MSRA: variants seen among roughly 807,000 people sequenced by gnomAD.
The protein encoded by MSRA is methionine sulfoxide reductase A, also known as mitochondrial peptide methionine sulfoxide reductase.
MSRA carries 54 observed loss-of-function variants against 31.3 expected under a neutral mutation model. The observed-to-expected ratio is 1.73, with a 90% CI of 1.39 to 2.17. The LOEUF is 2.17. Ranked by LOEUF, MSRA falls within the 30% of genes most tolerant of loss-of-function variation. MSRA has a pLI of 0.00. For synonymous variants in MSRA, 169 were observed against 116.5 expected (o/e 1.45, Z -2.90); for missense variants, 507 against 300.9 (o/e 1.69, Z -5.07).
chr8:10,283,160 A>ACACACACACACTCTCTCTCTCT, intron 3 of MSRA, among the ~76,000 whole-genome samples: 2 of 140,234 alleles, frequency 1.4e-5, no homozygotes, highest in African/African-American at 5.4e-5. Flanking sequence ...ACACACACAC[A>ACACACACACACTCTCTCTCTCT]CTCTCACCCT....
chr8:10,060,767 T>C (rs1197311148), intron 1 of MSRA, among the ~76,000 whole-genome samples: 2 of 152,180 alleles, frequency 1.3e-5, no homozygotes, highest in Non-Finnish European at 2.9e-5. Flanking sequence ...TCGGAATAAG[T>C]TAATCCAAGT....
chr8:10,286,204 C>G (rs1345755002), intron 3 of MSRA, among the ~76,000 whole-genome samples: 2 of 152,146 alleles, frequency 1.3e-5, no homozygotes, highest in Admixed American at 6.6e-5. Context: ...CTGTGTGTGT[C>G]TAAGTAGTTC....
At chr8:10,330,609 A>G (rs891868159) in intron 5 of MSRA, among the ~76,000 whole-genome samples, 5 of 152,216 alleles carry the variant, frequency 3.3e-5, no homozygotes, top group African/African-American at 1.2e-4. Context: ...GTTTGTGGTA[A>G]TAAACTGTCC....
intron 3 of MSRA, among the ~76,000 whole-genome samples, chr8:10,246,135 C>T (rs541040328): frequency 6.6e-6 from 1 of 152,318 alleles, no homozygotes; most frequent in East Asian, 1.9e-4. Context: ...CAGCTATTCT[C>T]ATTGTTATTA....
intron 1 of MSRA, among the ~76,000 whole-genome samples, chr8:10,171,348 C>G (rs548379395): frequency 6.1e-5 from 9 of 148,280 alleles, no homozygotes; most frequent in African/African-American, 2.2e-4. Flanking sequence ...TTTAAGAGCA[C>G]TATCCCAATT....
intron 5 of MSRA, among the ~76,000 whole-genome samples, chr8:10,373,711 G>A (rs1040030406): frequency 6.6e-6 from 1 of 152,252 alleles, no homozygotes; most frequent in African/African-American, 2.4e-5. Flanking sequence ...AACACCAGGA[G>A]TGAGGGCACG....
At chr8:10,237,183 A>G (rs1397561050) in intron 2 of MSRA, among the ~76,000 whole-genome samples, 2 of 152,238 alleles carry the variant, frequency 1.3e-5, no homozygotes, top group Non-Finnish European at 2.9e-5. Context: ...CTAAGAGGAA[A>G]CAATACTGAA....
At chr8:10,057,239 C>T (rs767649568) in intron 1 of MSRA, among the ~76,000 whole-genome samples, 4 of 152,284 alleles carry the variant, frequency 2.6e-5, no homozygotes, top group Non-Finnish European at 4.4e-5. Context: ...GGCATCTGGG[C>T]AGTGCTGGCT....
intron 5 of MSRA, among the ~76,000 whole-genome samples, chr8:10,390,510 C>G (rs1806675422): frequency 6.6e-6 from 1 of 152,192 alleles, no homozygotes; most frequent in African/African-American, 2.4e-5. Context: ...CCAGGGGCAT[C>G]CTGTGCACAT....
chr8:10,283,836 T>TATATACACACACACACACAC (rs1261287031), intron 3 of MSRA, among the ~76,000 whole-genome samples: 14 of 53,160 alleles, frequency 2.6e-4, no homozygotes, highest in South Asian at 2.0e-3. Context: ...TATATATATA[T>TATATACACACACACACACAC]ACACACACAC....
chr8:10,278,857 T>C (rs1799465726), intron 3 of MSRA, among the ~76,000 whole-genome samples: 1 of 152,228 alleles, frequency 6.6e-6, no homozygotes, highest in South Asian at 2.1e-4. Flanking sequence ...TCAGACTAAT[T>C]TGACTTGTGG....
At chr8:10,113,124 C>A (rs1800405536) in intron 1 of MSRA, among the ~76,000 whole-genome samples, 4 of 151,860 alleles carry the variant, frequency 2.6e-5, no homozygotes, top group Admixed American at 2.6e-4. Context: ...GGGTAGAGAA[C>A]TGTGTCTTCC....
chr8:10,357,617 T>A (rs1563389700), intron 5 of MSRA, among the ~76,000 whole-genome samples: 1 of 152,232 alleles, frequency 6.6e-6, no homozygotes. Context: ...AGGCTCACGT[T>A]GTCTATTTCC....
At chr8:10,095,180 A>G (rs569220518) in intron 1 of MSRA, among the ~76,000 whole-genome samples, 1 of 152,368 alleles carries the variant, frequency 6.6e-6, no homozygotes, top group Admixed American at 6.5e-5. Context: ...TGTGGTGCTT[A>G]TTAAAGTTAC....
chr8:10,087,396 A>T (rs368290031), intron 1 of MSRA, among the ~76,000 whole-genome samples: 37 of 152,350 alleles, frequency 2.4e-4, no homozygotes, highest in African/African-American at 8.4e-4. Flanking sequence ...CAGGGGCTCC[A>T]TATCCCTTGG....
chr8:10,196,000 T>C (rs1255004264), intron 1 of MSRA, among the ~76,000 whole-genome samples: 1 of 152,152 alleles, frequency 6.6e-6, no homozygotes, highest in African/African-American at 2.4e-5. Context: ...TGTGGGCCCA[T>C]CAGGCTCAGC....
chr8:10,162,421 GTGTTTAACCTACA>G (rs1804746425), intron 1 of MSRA, among the ~76,000 whole-genome samples: 2 of 152,170 alleles, frequency 1.3e-5, no homozygotes, highest in Non-Finnish European at 2.9e-5. Context: ...ACCACGAAGG[GTGTTTAACCTACA>G]TTGAGTGCCA....
At chr8:10,101,700 T>A (rs1799539807) in intron 1 of MSRA, among the ~76,000 whole-genome samples, 1 of 152,236 alleles carries the variant, frequency 6.6e-6, no homozygotes, top group African/African-American at 2.4e-5. Flanking sequence ...CATACATGTT[T>A]TAGCATGTGT....
chr8:10,351,482 G>A (rs1332797463), intron 5 of MSRA, among the ~76,000 whole-genome samples: 1 of 152,060 alleles, frequency 6.6e-6, no homozygotes, highest in African/African-American at 2.4e-5. Flanking sequence ...TCGGTCTCTT[G>A]ACCTCATGAT....
Sources: allele counts gnomAD v4.1 joint callset (sites outside exome capture counted in the v4.1 genomes callset), GRCh38; gene constraint gnomAD v4.1.1; transcripts MANE v1.5; gene names NCBI Gene and HGNC (gene_info 2026-07-23, HGNC 2026-07-21).